Variants in KRT33B observed in about 807,000 individuals in gnomAD.
KRT33B encodes the protein keratin, type I cuticular Ha3-II.
A neutral mutation model predicts 42.7 loss-of-function variants in KRT33B; 37 were observed. That is an observed-to-expected ratio of 0.87 (90% CI 0.67 to 1.14). The LOEUF (loss-of-function observed/expected upper bound fraction) is 1.14. Among genes scored for constraint, KRT33B ranks in the 50% most tolerant of loss-of-function variants. The pLI, the probability that KRT33B is intolerant of heterozygous loss-of-function variation, is 0.00. For missense variants in KRT33B, 523 were observed against 515.1 expected (o/e 1.02, Z -0.15); for synonymous variants, 237 against 221.2 (o/e 1.07, Z -0.63).
At chr17:41,367,532 G>C (rs534265570) in intron 2 of KRT33B, among the ~76,000 whole-genome samples, 1 of 150,858 alleles carries the variant, frequency 6.6e-6, no homozygotes, top group Non-Finnish European at 1.5e-5. Flanking sequence ...GGTAAAACCC[G>C]GTCTCCACTA....
Position 41,364,872 on chromosome 17 carries a change from T to C in KRT33B, c.1004A>G (p.Gln335Arg). The C allele has an allele frequency of 6.2e-7, 1 of 1,613,290 alleles. No homozygotes were observed. Among genetic ancestry groups the C allele is most frequent in the Non-Finnish European group, 8.5e-7 (1 of 1,180,040 alleles). Residue 335 changes from glutamine (Q) to arginine (R), a missense_variant, in exon 6 of 7, where the codon CAG becomes CGG. Transcript: ENST00000251646. ...CAGCAGCACCTGATACTCCTGGTTC[T>C]GCCGCTCCAGGTCACTGCGGATCTC... Reference protein sequence around the residue: ...LAEIRSDLERQNQEYQVLLDV... With the variant: ...LAEIRSDLERRNQEYQVLLDV...
chr17:41,369,568 C>A lies in KRT33B; in HGVS notation c.183G>T (p.Gln61His), dbSNP rs1332279942. ...SFNGSEKETM[Q>H]FLNDRLASYL... Reference sequence around the variant, plus strand: ...AGCTGGCCAGGCGGTCGTTCAGGAACTGCATAGTCTCCTTCTCGCTGCCAT... The same window carrying A: ...AGCTGGCCAGGCGGTCGTTCAGGAAATGCATAGTCTCCTTCTCGCTGCCAT... The change falls in exon 1 of 7, where the codon CAG becomes CAT. Residue 61 changes from glutamine (Q) to histidine (H), a missense_variant. Physicochemically the swap from Gln to His is conservative, Grantham distance 24. Transcript: ENST00000251646. The A allele has an allele frequency of 5.0e-6, 8 of 1,613,860 alleles. No individual in the cohort carries two copies. Among genetic ancestry groups the A allele is most frequent in the Non-Finnish European group, 6.8e-6 (8 of 1,180,056 alleles).
chr17:41,365,457 T>A lies in KRT33B; in HGVS notation c.685A>T (p.Arg229Trp). The change falls in exon 4 of 7, where the codon AGG becomes TGG. Residue 229 changes from arginine to tryptophan, a missense_variant. Transcript: ENST00000251646. ...VDLNQVLNET[R>W]NQYEALVETN... ...TCCACCAGGGCCTCATACTGATTCC[T>A]GGTCTCGTTCAGGACCTGGTTCAGG... The A allele has an allele frequency of 6.2e-7, 1 of 1,613,074 alleles. No homozygotes were observed. Among genetic ancestry groups the A allele is most frequent in the South Asian group, 1.1e-5 (1 of 91,072 alleles).
chr17:41,364,310 G>C (rs1419714236), intron 6 of KRT33B, among the ~76,000 whole-genome samples: 1 of 151,366 alleles, frequency 6.6e-6, no homozygotes, highest in Admixed American at 6.6e-5. Flanking sequence ...GGCAACTGCT[G>C]TACTGTTAGT....
chr17:41,365,137 G>C lies in KRT33B; in HGVS notation c.876+38C>G, dbSNP rs181987869. 2.5e-5 allele frequency: 40 copies of C among 1,610,024 alleles called. No homozygotes were observed. The East Asian group carries it at 8.7e-4, about 35-fold the overall frequency. On this transcript the variant is annotated intron_variant, in intron 5 of 6. Transcript: ENST00000251646. ...GCATCCCCAAGACTCTGCCTCCCAA[G>C]TTCCCATCGCTCACCAGCAGGTCTG...
At position 41,363,578 on chromosome 17, in the gene KRT33B, G is replaced by A. The variant is rs776333070; in HGVS notation, c.*258C>T. ...AGCAGCAGAGAGAACAAAACACCTC[G>A]TATGCCACTGTCACAGCTCCAACCT... is the stretch of plus-strand genomic sequence containing the variant. On this transcript the variant is annotated 3_prime_UTR_variant, in exon 7 of 7. Transcript: ENST00000251646. The A allele has an allele frequency of 5.2e-5, 19 of 367,890 alleles. No homozygotes were observed. Among genetic ancestry groups the A allele is most frequent in the Admixed American group, 9.1e-5 (2 of 21,950 alleles). The allele number at this position is 367,890 out of a possible 1,614,324, so 22.8% of individuals were successfully genotyped here. A position where few individuals can be genotyped will look rare whatever the true frequency, so the allele number is the denominator to read the frequency against.
In KRT33B at chr17:41,364,898, C is replaced by T. The variant is rs112724807; in HGVS notation, c.978G>A (p.Ala326=). ...GCCGCTCCAGGTCACTGCGGATCTC[C>T]GCCAGCTGGGACTCCACGTTGGTGA... The part of the protein sequence containing the change: ...SLITNVESQL[A]EIRSDLERQN... Residue 326 remains alanine (A), a synonymous_variant, in exon 6 of 7, where the codon GCG becomes GCA. Transcript: ENST00000251646. The T allele has an allele frequency of 3.4e-5, 55 of 1,613,326 alleles. 1 individual carries two copies. Among genetic ancestry groups the T allele is most frequent in the African/African-American group, 2.2e-4 (16 of 74,184 alleles).
chr17:41,364,380 C>A (rs975102578), intron 6 of KRT33B, among the ~76,000 whole-genome samples: 1 of 151,398 alleles, frequency 6.6e-6, no homozygotes, highest in African/African-American at 2.5e-5. Flanking sequence ...GATAATGATT[C>A]CCACTCTGCC....
At position 41,369,506 on chromosome 17, in the gene KRT33B, G is replaced by C. The variant is rs199744961; in HGVS notation, c.245C>G (p.Ala82Gly). 3.1e-6 allele frequency: 5 copies of C among 1,614,032 alleles called. No homozygotes were observed. Among genetic ancestry groups the C allele is most frequent in the Non-Finnish European group, 4.2e-6 (5 of 1,180,046 alleles). ...CTCCCGGATGAGGTTCTCCAGCTCCGCGTTGTCCCGCTCCAGCTGACGCAC... is the reference window on the plus strand; with the variant it reads ...CTCCCGGATGAGGTTCTCCAGCTCCCCGTTGTCCCGCTCCAGCTGACGCAC... ...EKVRQLERDN[A>G]ELENLIRERS... The change falls in exon 1 of 7, where the codon GCG becomes GGG. Residue 82 changes from alanine to glycine, a missense_variant. Physicochemically the swap from Ala to Gly is moderately conservative, Grantham distance 60. Transcript: ENST00000251646.
At chr17:41,368,838 T>A (rs971753642) in intron 1 of KRT33B, among the ~76,000 whole-genome samples, 1 of 151,260 alleles carries the variant, frequency 6.6e-6, no homozygotes, top group Admixed American at 6.6e-5. Context: ...TCAGTCCCAA[T>A]TCTCTGTGGA....
intron 3 of KRT33B, among the ~76,000 whole-genome samples, chr17:41,365,849 GT>G (rs1338007023): frequency 1.1e-4 from 17 of 151,300 alleles, no homozygotes; most frequent in African/African-American, 4.2e-4. Flanking sequence ...GCTTACAATT[GT>G]TGCTACTTAA....
chr17:41,366,669 AG>A, intron 2 of KRT33B, 43 bp from the exon 3 acceptor site: 2 of 1,523,720 alleles, frequency 1.3e-6, no homozygotes, highest in Non-Finnish European at 1.8e-6. Context: ...AAAAAAAAAA[AG>A]TCTTTGTTTC....
Position 41,367,960 on chromosome 17 carries a change from G to T in KRT33B, c.379C>A (p.Leu127Met). 1 of 1,613,052 alleles carries T rather than the reference G, an allele frequency of 6.2e-7. No homozygotes were observed. The highest frequency in any genetic ancestry group is 8.5e-7 in the Non-Finnish European group (1 of 1,180,018). The change falls in exon 2 of 7, where the codon CTG (leucine) becomes ATG (methionine). Residue 127 changes from leucine (L) to methionine (M), a missense_variant. Coordinates refer to ENST00000251646, the MANE Select transcript of KRT33B (RefSeq NM_002279.5). ...ILCSKSENAR[L>M]VVQIDNAKLA... ...TTGGCATTGTCGATCTGCACCACCAGCCTGGCATTCTCAGACTTGCTGCAC... is the reference window on the plus strand; with the variant it reads ...TTGGCATTGTCGATCTGCACCACCATCCTGGCATTCTCAGACTTGCTGCAC...
At chr17:41,367,491 G>T (rs1038558564) in intron 2 of KRT33B, among the ~76,000 whole-genome samples, 2 of 151,236 alleles carry the variant, frequency 1.3e-5, no homozygotes, top group African/African-American at 4.9e-5. Context: ...ATCACTTGAG[G>T]TCAGGAGTTC....
At chr17:41,365,153 A>G in intron 5 of KRT33B, 22 bp downstream of exon 5, 1 of 1,611,030 alleles carries the variant, frequency 6.2e-7, no homozygotes, top group Non-Finnish European at 8.5e-7. Context: ...ATCGCTCACC[A>G]GCAGGTCTGA....
chr17:41,369,189 G>A (rs992328259), intron 1 of KRT33B, among the ~76,000 whole-genome samples: 1 of 151,230 alleles, frequency 6.6e-6, no homozygotes, highest in Non-Finnish European at 1.5e-5. Flanking sequence ...ACTGATTTTG[G>A]TCTAATGCTT....
At position 41,369,487 on chromosome 17, in the gene KRT33B, G is replaced by C; in HGVS notation, c.264C>G (p.Ile88Met). ...ERDNAELENL[I>M]RERSQQQEPL... ...GCTCCTGCTGCTGAGACCGCTCCCG[G>C]ATGAGGTTCTCCAGCTCCGCGTTGT... The change falls in exon 1 of 7, where the codon ATC becomes ATG. Residue 88 changes from isoleucine to methionine, a missense_variant. Coordinates refer to ENST00000251646, the MANE Select transcript of KRT33B (RefSeq NM_002279.5). The C allele has an allele frequency of 6.2e-7, 1 of 1,613,886 alleles. No individual in the cohort carries two copies. The highest frequency in any genetic ancestry group is 8.5e-7 in the Non-Finnish European group (1 of 1,180,050).
Position 41,363,992 on chromosome 17 carries a change from G to A in KRT33B, c.1098-39C>T. 2.1e-6 allele frequency: 3 copies of A among 1,404,446 alleles called. 1 individual carries two copies. Among genetic ancestry groups the A allele is most frequent in the African/African-American group, 2.9e-5 (2 of 67,820 alleles). 87.0% of individuals were successfully genotyped at this position (1,404,446 alleles called of 1,614,324 possible). The stretch of plus-strand genomic sequence containing the variant: ...GCATTAGACTGTCAGCATGAGAAGG[G>A]TGATTCAAACAAGGGAGACTCAATC... On this transcript the variant is annotated intron_variant, in intron 6 of 6. Transcript: ENST00000251646.
At position 41,367,063 on chromosome 17, in the gene KRT33B, C is replaced by A. The variant is rs539659473; in HGVS notation, c.432-437G>T. On this transcript the variant is annotated intron_variant, in intron 2 of 6. Transcript: ENST00000251646. ...CTCATTAAATGACTGTAGATAGATA[C>A]CTTTATCTCTCTGAGGCTTGATTTC... is the stretch of plus-strand genomic sequence containing the variant. Among the ~76,000 whole-genome samples the A allele has an allele frequency of 1.4e-4, 21 of 151,412 alleles. No individual in the cohort carries two copies. In the South Asian group the frequency reaches 4.1e-3, roughly 30 times the overall value.
Sources: gnomAD v4.1 joint callset for allele counts (sites outside exome capture counted in the v4.1 genomes callset) on GRCh38, gnomAD v4.1.1 for gene constraint, MANE v1.5 for transcripts, NCBI Gene and HGNC (gene_info 2026-07-23, HGNC 2026-07-21) for gene names.